IGSF11: variants seen among roughly 807,000 people sequenced by gnomAD.
The protein encoded by IGSF11 is immunoglobulin superfamily member 11.
IGSF11 carries 22 observed loss-of-function variants against 41.0 expected under a neutral mutation model. The ratio of observed to expected loss-of-function variants is 0.54; its 90% CI spans 0.38 to 0.77. IGSF11 has a LOEUF of 0.77. IGSF11 is among the 30% of genes least tolerant of loss of function. IGSF11 has a pLI of 0.00. For missense variants in IGSF11, 444 were observed against 530.8 expected (o/e 0.84, Z 1.61); for synonymous variants, 219 against 201.3 (o/e 1.09, Z -0.74).
At chr3:119,036,622 T>C (rs567384829), upstream of IGSF11, among the ~76,000 whole-genome samples, 5 of 152,124 alleles carry the variant, frequency 3.3e-5, no homozygotes, top group Non-Finnish European at 7.3e-5. Flanking sequence ...AGTTATCTGA[T>C]ATATTTATCG....
At chr3:119,098,690 AAT>A (rs1345385756) in intron 1 of IGSF11, among the ~76,000 whole-genome samples, 3 of 152,238 alleles carry the variant, frequency 2.0e-5, no homozygotes, top group Non-Finnish European at 4.4e-5. Context: ...AAGTCAATAA[AAT>A]ATGTTTTTTA....
intron 1 of IGSF11, among the ~76,000 whole-genome samples, chr3:119,135,226 C>T (rs1323187693): frequency 6.6e-6 from 1 of 152,138 alleles, no homozygotes; most frequent in Non-Finnish European, 1.5e-5. Context: ...TCTAATTAAA[C>T]TAAAGAGCTT....
chr3:118,930,396 T>A, intron 1 of IGSF11, 121 bp from the exon 2 acceptor site: 1 of 962,276 alleles, frequency 1.0e-6, no homozygotes, highest in Non-Finnish European at 1.5e-6. Context: ...CAGACTGACA[T>A]GATAGTCTTA....
intron 1 of IGSF11, among the ~76,000 whole-genome samples, chr3:119,072,713 G>T (rs1410746346): frequency 2.6e-5 from 4 of 152,186 alleles, no homozygotes; most frequent in African/African-American, 9.7e-5. Flanking sequence ...GACCTTTGCG[G>T]TGAGTGTTAC....
At chr3:119,083,659 T>C (rs923238328) in intron 1 of IGSF11, among the ~76,000 whole-genome samples, 2 of 152,218 alleles carry the variant, frequency 1.3e-5, no homozygotes, top group Non-Finnish European at 2.9e-5. Flanking sequence ...CCTAGAGACA[T>C]GTAGCCATTG....
chr3:119,109,898 T>C (rs529625792), upstream of IGSF11, among the ~76,000 whole-genome samples: 38 of 152,296 alleles, frequency 2.5e-4, no homozygotes, highest in South Asian at 7.5e-3. Flanking sequence ...AGTTGAGCGG[T>C]TTTGAGTGAG....
At chr3:119,001,173 C>T (rs529200175) in intron 1 of IGSF11, among the ~76,000 whole-genome samples, 1 of 150,904 alleles carries the variant, frequency 6.6e-6, no homozygotes, top group Non-Finnish European at 1.5e-5. Context: ...GTCATTTAAG[C>T]CTACCCTTGT....
chr3:118,914,441 T>A (rs1018763099), intron 4 of IGSF11, among the ~76,000 whole-genome samples: 3 of 151,450 alleles, frequency 2.0e-5, no homozygotes, highest in Non-Finnish European at 4.4e-5. Context: ...TTGCCTCACC[T>A]GGGAAGCGCA....
chr3:119,104,159 A>G (rs1403889644), intron 1 of IGSF11, among the ~76,000 whole-genome samples: 3 of 152,122 alleles, frequency 2.0e-5, no homozygotes, highest in Admixed American at 6.6e-5. Flanking sequence ...ATTTTTGCCA[A>G]TTACAACCAG....
chr3:119,011,954 T>C (rs1938169613), intron 1 of IGSF11, among the ~76,000 whole-genome samples: 1 of 151,946 alleles, frequency 6.6e-6, no homozygotes, highest in Admixed American at 6.6e-5. Context: ...TCTGTGTGTG[T>C]GTGTGTGTGT....
At chr3:119,142,434 G>A (rs914883610) in intron 1 of IGSF11, among the ~76,000 whole-genome samples, 3 of 152,026 alleles carry the variant, frequency 2.0e-5, no homozygotes, top group African/African-American at 7.2e-5. Flanking sequence ...ATGGCTAGGA[G>A]AAATTAAAAT....
At chr3:118,966,957 A>G (rs1576504537) in intron 1 of IGSF11, among the ~76,000 whole-genome samples, 2 of 152,246 alleles carry the variant, frequency 1.3e-5, no homozygotes, top group Middle Eastern at 3.4e-3. Flanking sequence ...AACTGTTCCT[A>G]CCACTTTCTG....
chr3:118,997,090 A>T (rs1936345443), intron 1 of IGSF11, among the ~76,000 whole-genome samples: 1 of 152,172 alleles, frequency 6.6e-6, no homozygotes, highest in Non-Finnish European at 1.5e-5. Flanking sequence ...TGGTAGTAGG[A>T]GCCTGAATCC....
In IGSF11 at chr3:119,087,373, TACACACAC is replaced by T. The variant is rs200774982; in HGVS notation, c.49+17763_49+17770del. ...CAACAAGTGAATAAAGAAAATGTTATACACACACACACACACACACACACACACATACA... is the reference window on the plus strand; with the variant it reads ...CAACAAGTGAATAAAGAAAATGTTATACACACACACACACACACACATACA... On this transcript the variant is annotated intron_variant, in intron 1 of 6. Coordinates refer to the IGSF11 transcript ENST00000354673. Among the ~76,000 whole-genome samples, 335 of 147,508 alleles carry T rather than the reference TACACACAC, an allele frequency of 2.3e-3. 1 individual carries two copies. Among genetic ancestry groups the T allele is most frequent in the Middle Eastern group, 0.021 (6 of 286 alleles).
At chr3:118,923,441 C>T (rs551740074) in intron 4 of IGSF11, among the ~76,000 whole-genome samples, 3 of 152,270 alleles carry the variant, frequency 2.0e-5, no homozygotes, top group South Asian at 4.1e-4. Flanking sequence ...GTATCAAAGT[C>T]GAGAAATTTA....
intron 3 of IGSF11, among the ~76,000 whole-genome samples, 162 bp from the exon 4 acceptor site, chr3:118,926,418 C>G (rs1443171353): frequency 6.6e-6 from 1 of 152,052 alleles, no homozygotes; most frequent in African/African-American, 2.4e-5. Flanking sequence ...AGGCATGTAC[C>G]AATTCACGAG....
At chr3:118,947,690 A>C (rs1220112422) in intron 1 of IGSF11, 2 of 152,172 alleles carry the variant, frequency 1.3e-5, no homozygotes, top group East Asian at 3.9e-4. Context: ...CATGGTGTAA[A>C]ACCAGAAACA....
At chr3:118,976,575 A>G (rs2107628059) in intron 1 of IGSF11, among the ~76,000 whole-genome samples, 1 of 152,338 alleles carries the variant, frequency 6.6e-6, no homozygotes, top group African/African-American at 2.4e-5. Flanking sequence ...ACAGGAAAGG[A>G]GAACAAAACT....
At chr3:119,053,479 A>G (rs771656777) in intron 1 of IGSF11, among the ~76,000 whole-genome samples, 1 of 152,198 alleles carries the variant, frequency 6.6e-6, no homozygotes, top group Non-Finnish European at 1.5e-5. Context: ...AGATCTCTAC[A>G]AGGTAAACTA....
Sources: allele counts gnomAD v4.1 joint callset (sites outside exome capture counted in the v4.1 genomes callset), GRCh38; gene constraint gnomAD v4.1.1; transcripts MANE v1.5; gene names NCBI Gene and HGNC (gene_info 2026-07-23, HGNC 2026-07-21).